Variants in DPAGT1 observed in about 807,000 individuals in gnomAD.
DPAGT1 encodes UDP-N-acetylglucosamine--dolichyl-phosphate N-acetylglucosaminephosphotransferase.
A neutral mutation model predicts 39.3 loss-of-function variants in DPAGT1; 25 were observed. That is an observed-to-expected ratio of 0.64 (90% confidence interval 0.46 to 0.89). The LOEUF (loss-of-function observed/expected upper bound fraction) is 0.89. Ranked by LOEUF, DPAGT1 falls within the 40% of genes least tolerant of loss-of-function variation. The pLI is 0.00. For missense variants in DPAGT1, 381 were observed against 500.6 expected, an observed-to-expected ratio of 0.76 and a Z score of 2.28; for synonymous variants, 193 against 201.4, an observed-to-expected ratio of 0.96 and a Z score of 0.36.
rs763140128 is a variant in DPAGT1 at position 119,097,415 on chromosome 11, C to G, written c.1005+49G>C. 6 of 1,612,904 alleles carry G rather than the reference C, an allele frequency of 3.7e-6. No individual in the cohort carries two copies. The highest frequency in any genetic ancestry group is 2.7e-5 in the African/African-American group (2 of 74,894). On this transcript the variant is annotated intron_variant, in intron 7 of 8. Coordinates refer to ENST00000354202, the MANE Select transcript of DPAGT1 (RefSeq NM_001382.4). The surrounding 1 kb of genome is among the most constrained non-coding windows in gnomAD (Gnocchi z 4.6). ...ATGTAGGACTAGGTTCCCCATTCCT[C>G]AAGGTCAGGATGGCAGCCTAGGGCC... is the stretch of plus-strand genomic sequence containing the variant.
In DPAGT1 at chr11:119,101,722, A is replaced by G. The variant is rs1469713065; in HGVS notation, c.-67T>C. ...ACGGGCAAGCTGAGCAGCAGTCCTG[A>G]GGCCTCAGCAGTATGGAGTGGCCGC... is the stretch of plus-strand genomic sequence containing the variant. On this transcript the variant is annotated 5_prime_UTR_variant, in exon 1 of 9. Transcript: ENST00000354202. The G allele has an allele frequency of 2.5e-6, 4 of 1,611,430 alleles. No homozygotes were observed. The highest frequency in any genetic ancestry group is 1.7e-5 in the Admixed American group (1 of 59,688).
chr11:119,099,846 A>T (rs1010094542), intron 4 of DPAGT1, among the ~76,000 whole-genome samples: 2 of 151,210 alleles, frequency 1.3e-5, no homozygotes, highest in Non-Finnish European at 2.9e-5. Context: ...GAGCAGCAGC[A>T]GTCGCTCATG....
Position 119,097,077 on chromosome 11 carries a change from T to C in DPAGT1, c.1162-14A>G, listed in dbSNP as rs1364116519. On this transcript the variant is annotated splice_polypyrimidine_tract_variant and intron_variant, in intron 8 of 8. Coordinates refer to ENST00000354202, the MANE Select transcript of DPAGT1 (RefSeq NM_001382.4). The surrounding 1 kb of genome is among the most constrained non-coding windows in gnomAD (Gnocchi z 4.6). ...ACTGCCCAGGATCTGCAAGGAGAAA[T>C]GGACTGGAGTAAGAATCACGCAGAA... is the stretch of plus-strand genomic sequence containing the variant. 9 of 1,613,800 alleles carry C rather than the reference T, an allele frequency of 5.6e-6. No homozygotes were observed. Among genetic ancestry groups the C allele is most frequent in the Admixed American group, 5.0e-5 (3 of 59,996 alleles).
rs1345546071 is a variant in DPAGT1 at position 119,100,843 on chromosome 11, A to C, written c.283T>G (p.Phe95Val). 1 of 1,614,016 alleles carries C rather than the reference A, an allele frequency of 6.2e-7. No homozygotes were observed. Among genetic ancestry groups the C allele is most frequent in the African/African-American group, 1.3e-5 (1 of 74,912 alleles). The change falls in exon 3 of 9, where the codon TTT becomes GTT. Residue 95 changes from phenylalanine to valine, a missense_variant and splice_region_variant. Transcript: ENST00000354202. ...AGGAGGGCACCTATCAGGGCCACAA[A>C]CTGGGGGAGGCTCGGGCAGGTCCAT... ...EQCKAFPHHE[F>V]VALIGALLAI...
chr11:119,095,152 G>A (rs1186107645), downstream of DPAGT1: 17 of 1,614,040 alleles, frequency 1.1e-5, no homozygotes, highest in Non-Finnish European at 1.4e-5. Flanking sequence ...GCAGGTGGCG[G>A]GGGATGATTC....
In DPAGT1 at chr11:119,097,381, T is replaced by G; in HGVS notation, c.1005+83A>C. On this transcript the variant is annotated intron_variant, in intron 7 of 8. Coordinates refer to ENST00000354202, the MANE Select transcript of DPAGT1 (RefSeq NM_001382.4). This position sits in a 1 kb window ranked among gnomAD's most constrained non-coding sequence, Gnocchi z 4.6. The stretch of plus-strand genomic sequence containing the variant: ...TCTATTTAATGCTTTCAAGTTCCCC[T>G]TGGATCTGATGTAGGACTAGGTTCC... 1 of 1,612,654 alleles carries G rather than the reference T, an allele frequency of 6.2e-7. No individual in the cohort carries two copies.
rs367939226 is a variant in DPAGT1 at position 119,097,819 on chromosome 11, G to C, written c.917+36C>G. Reference sequence around the variant, plus strand: ...TGGCATTAGATATCCCAAGTGAAAAGGCTATGATGTCCATTTCAAGCCAAA... The same window carrying C: ...TGGCATTAGATATCCCAAGTGAAAACGCTATGATGTCCATTTCAAGCCAAA... On this transcript the variant is annotated intron_variant, in intron 6 of 8. Transcript: ENST00000354202. This position sits in a 1 kb window ranked among gnomAD's most constrained non-coding sequence, Gnocchi z 4.6. 5.6e-6 allele frequency: 9 copies of C among 1,612,858 alleles called. No individual in the cohort carries two copies. Among genetic ancestry groups the C allele is most frequent in the African/African-American group, 5.3e-5 (4 of 74,904 alleles).
downstream of DPAGT1, chr11:119,096,508 A>G (rs557014624): frequency 2.2e-4 from 44 of 201,636 alleles, no homozygotes; most frequent in South Asian, 3.5e-3. Flanking sequence ...CTACATAAAC[A>G]ATAAGAAAAA....
chr11:119,099,778 C>T (rs143066679), intron 4 of DPAGT1, among the ~76,000 whole-genome samples: 1 of 91,182 alleles, frequency 1.1e-5, no homozygotes, highest in African/African-American at 4.1e-5. Context: ...GAGACCCTGT[C>T]TCAAAAAAAA....
chr11:119,094,876 C>T, downstream of DPAGT1: 1 of 1,349,080 alleles, frequency 7.4e-7, no homozygotes, highest in Non-Finnish European at 9.9e-7. Flanking sequence ...AGCGGCTCAG[C>T]TCTTTCCATG....
intron 5 of DPAGT1, 34 bp downstream of exon 5, chr11:119,098,369 A>AT (rs1946436974): frequency 6.3e-7 from 1 of 1,599,386 alleles, no homozygotes; most frequent in Non-Finnish European, 8.6e-7. Flanking sequence ...CCATGTGTTC[A>AT]GGTAGTTGTC....
chr11:119,098,279 AAG>A (rs1946435626), intron 5 of DPAGT1, 122 bp downstream of exon 5: 1 of 1,223,298 alleles, frequency 8.2e-7, no homozygotes, highest in African/African-American at 1.5e-5. Flanking sequence ...CGACCAACTG[AAG>A]ACGCAGAAAA....
At chr11:119,095,620 C>G (rs1477296451), downstream of DPAGT1, among the ~76,000 whole-genome samples, 1 of 152,122 alleles carries the variant, frequency 6.6e-6, no homozygotes, top group East Asian at 1.9e-4. Context: ...GCTGATTGGT[C>G]GAATTTGAAA....
downstream of DPAGT1, chr11:119,095,574 C>T (rs368998834): frequency 1.6e-6 from 1 of 640,182 alleles, no homozygotes; most frequent in South Asian, 2.7e-5. Flanking sequence ...TGCGGTTAAC[C>T]CTTGGGTGTC....
At chr11:119,095,452 G>T, downstream of DPAGT1, 3 of 1,458,304 alleles carry the variant, frequency 2.1e-6, no homozygotes, top group South Asian at 2.8e-5. Flanking sequence ...GACGCCCGCC[G>T]CAGTGTAACT....
chr11:119,101,468 T>C, intron 1 of DPAGT1, 27 bp downstream of exon 1: 1 of 1,613,940 alleles, frequency 6.2e-7, no homozygotes, highest in South Asian at 1.1e-5. Flanking sequence ...CCTTGCCCCC[T>C]GCCCGGACCC....
At chr11:119,100,992 GC>G (rs1364300590) in intron 2 of DPAGT1, 25 bp downstream of exon 2, 10 of 1,614,140 alleles carry the variant, frequency 6.2e-6, no homozygotes, top group Non-Finnish European at 8.5e-6. Context: ...CCAGCCACAG[GC>G]AATCACCCCC....
chr11:119,100,697 G>A lies in DPAGT1; in HGVS notation c.429C>T (p.Asn143=). The change falls in exon 3 of 9, where the codon AAC becomes AAT. Residue 143 remains asparagine (N), a synonymous_variant. Coordinates refer to ENST00000354202, the MANE Select transcript of DPAGT1 (RefSeq NM_001382.4). ...GCACCACAATGGTCGTGTTGCCAAA[G>A]TTGGTGAAATAGACCATGAGGAGAG... ...SLPLLMVYFT[N]FGNTTIVVPK... The A allele has an allele frequency of 6.2e-7, 1 of 1,614,198 alleles. No homozygotes were observed. Among genetic ancestry groups the A allele is most frequent in the Non-Finnish European group, 8.5e-7 (1 of 1,180,030 alleles).
rs373714803 is a variant in DPAGT1, at chr11:119,097,096, C to T, written c.1162-33G>A. On this transcript the variant is annotated intron_variant, in intron 8 of 8. Transcript: ENST00000354202. This position sits in a 1 kb window ranked among gnomAD's most constrained non-coding sequence, Gnocchi z 4.6. Reference sequence around the variant, plus strand: ...GAGAAATGGACTGGAGTAAGAATCACGCAGAAAGGGAGACACGGAGGTATA... The same window carrying T: ...GAGAAATGGACTGGAGTAAGAATCATGCAGAAAGGGAGACACGGAGGTATA... The T allele has an allele frequency of 2.2e-5, 35 of 1,614,060 alleles. No homozygotes were observed. Among genetic ancestry groups the T allele is most frequent in the African/African-American group, 6.7e-5 (5 of 74,924 alleles).
Sources: gnomAD v4.1 joint callset for allele counts (sites outside exome capture counted in the v4.1 genomes callset) on GRCh38, gnomAD v4.1.1 for gene constraint, Gnocchi (gnomAD v3.1) non-coding constraint, MANE v1.5 for transcripts, NCBI Gene and HGNC (gene_info 2026-07-23, HGNC 2026-07-21) for gene names.